GAP43: variants seen among roughly 807,000 people sequenced by gnomAD.
GAP43 encodes the protein neuromodulin.
Under a neutral mutation model 18.6 loss-of-function variants are expected in GAP43, and 6 were observed. The ratio of observed to expected loss-of-function variants is 0.32; its 90% CI spans 0.18 to 0.64. GAP43 has a LOEUF of 0.64. Ranked by LOEUF, GAP43 falls within the 30% of genes least tolerant of loss-of-function variation. The pLI is 0.78. For missense variants in GAP43, 292 were observed against 295.5 expected (o/e 0.99, Z 0.09); for synonymous variants, 115 against 111.4 (o/e 1.03, Z -0.20).
intron 2 of GAP43, among the ~76,000 whole-genome samples, chr3:115,718,691 G>A (rs1709540579): frequency 6.6e-6 from 1 of 151,968 alleles, no homozygotes; most frequent in South Asian, 2.1e-4. Flanking sequence ...TTAAAACCCT[G>A]GTCAAAAGTG....
At chr3:115,714,873 GCA>G (rs111292409) in intron 2 of GAP43, among the ~76,000 whole-genome samples, 3,625 of 150,324 alleles carry the variant, frequency 0.024, 60 homozygotes, top group African/African-American at 0.053. Context: ...GTGTGCGCGT[GCA>G]CACACACACA....
At chr3:115,678,797 A>G (rs553681642) in intron 2 of GAP43, among the ~76,000 whole-genome samples, 2 of 152,002 alleles carry the variant, frequency 1.3e-5, no homozygotes, top group South Asian at 4.2e-4. Flanking sequence ...AGGTAATCAC[A>G]AAGGGCAATT....
chr3:115,701,765 A>C (rs1420614920), intron 2 of GAP43, among the ~76,000 whole-genome samples: 1 of 151,956 alleles, frequency 6.6e-6, no homozygotes, highest in Non-Finnish European at 1.5e-5. Context: ...GTTTCCCATA[A>C]TCATAAGCCT....
intron 1 of GAP43, among the ~76,000 whole-genome samples, chr3:115,628,238 G>A (rs554988213): frequency 9.2e-5 from 14 of 151,746 alleles, no homozygotes; most frequent in Admixed American, 3.9e-4. Flanking sequence ...TCCTCCCCCC[G>A]TGTTTTCCCC....
intron 1 of GAP43, among the ~76,000 whole-genome samples, chr3:115,651,524 A>G (rs888120407): frequency 5.3e-5 from 8 of 152,192 alleles, no homozygotes; most frequent in Non-Finnish European, 1.0e-4. Context: ...AAGAGAAAAA[A>G]TCTATCCTAA....
chr3:115,654,790 G>A (rs902647886), intron 1 of GAP43, among the ~76,000 whole-genome samples: 1 of 152,166 alleles, frequency 6.6e-6, no homozygotes, highest in Non-Finnish European at 1.5e-5. Context: ...GTGTAAATTG[G>A]TGGTTTCTTG....
chr3:115,716,412 G>C (rs1709502604), intron 2 of GAP43, among the ~76,000 whole-genome samples: 1 of 152,126 alleles, frequency 6.6e-6, no homozygotes, highest in African/African-American at 2.4e-5. Flanking sequence ...AGCTAGAGCA[G>C]GTGTATTGTC....
chr3:115,641,543 C>CACACACACAGACAT (rs148731356), intron 1 of GAP43, among the ~76,000 whole-genome samples: 5 of 150,352 alleles, frequency 3.3e-5, no homozygotes, highest in Middle Eastern at 3.4e-3. Context: ...CACACACACA[C>CACACACACAGACAT]GGTGCTTTCC....
At chr3:115,655,216 A>G (rs1486629381) in intron 1 of GAP43, among the ~76,000 whole-genome samples, 1 of 152,244 alleles carries the variant, frequency 6.6e-6, no homozygotes, top group African/African-American at 2.4e-5. Flanking sequence ...TGTGAACACC[A>G]GAATATTTCT....
chr3:115,667,223 T>G (rs1012884174), intron 1 of GAP43, among the ~76,000 whole-genome samples: 1 of 152,188 alleles, frequency 6.6e-6, no homozygotes, highest in Admixed American at 6.5e-5. Flanking sequence ...CTCAGATTGT[T>G]TATAGCCCAA....
At chr3:115,706,981 A>G (rs1709372690) in intron 2 of GAP43, among the ~76,000 whole-genome samples, 1 of 152,166 alleles carries the variant, frequency 6.6e-6, no homozygotes, top group African/African-American at 2.4e-5. Flanking sequence ...TATTATTCCT[A>G]TTTTACTTAT....
At chr3:115,699,000 G>A (rs1709260707) in intron 2 of GAP43, among the ~76,000 whole-genome samples, 1 of 152,112 alleles carries the variant, frequency 6.6e-6, no homozygotes, top group Non-Finnish European at 1.5e-5. Context: ...CATCTTTACT[G>A]CTGATTCCTT....
chr3:115,711,275 G>A (rs1443322171), intron 2 of GAP43, among the ~76,000 whole-genome samples: 3 of 152,064 alleles, frequency 2.0e-5, no homozygotes, highest in Non-Finnish European at 4.4e-5. Context: ...GAATTCCCCT[G>A]GGAGAATAAA....
At chr3:115,660,589 G>A (rs918879426) in intron 1 of GAP43, among the ~76,000 whole-genome samples, 2 of 152,166 alleles carry the variant, frequency 1.3e-5, no homozygotes, top group Admixed American at 1.3e-4. Flanking sequence ...TTATAATAGA[G>A]GCACCTCTGA....
intron 2 of GAP43, among the ~76,000 whole-genome samples, chr3:115,699,165 C>T (rs995100257): frequency 6.6e-5 from 10 of 152,138 alleles, no homozygotes; most frequent in Admixed American, 6.6e-4. Flanking sequence ...ATCATTCTAC[C>T]TCCGCTATTC....
At chr3:115,685,394 C>G (rs926394149) in intron 2 of GAP43, among the ~76,000 whole-genome samples, 4 of 152,194 alleles carry the variant, frequency 2.6e-5, no homozygotes, top group African/African-American at 9.7e-5. Flanking sequence ...CTTTCCTCAT[C>G]TGACACAATT....
At chr3:115,636,075 C>T (rs1708326258) in intron 1 of GAP43, among the ~76,000 whole-genome samples, 1 of 152,064 alleles carries the variant, frequency 6.6e-6, no homozygotes, top group Admixed American at 6.6e-5. Context: ...TGTAAAGAAT[C>T]AAACCATGAG....
chr3:115,682,422 C>A (rs149306723), intron 2 of GAP43, among the ~76,000 whole-genome samples: 15 of 152,212 alleles, frequency 9.9e-5, no homozygotes, highest in Admixed American at 9.8e-4. Flanking sequence ...GAATCAGTAT[C>A]TTTTTTATAT....
chr3:115,705,064 A>G (rs1283799524), intron 2 of GAP43, among the ~76,000 whole-genome samples: 1 of 152,106 alleles, frequency 6.6e-6, no homozygotes, highest in Admixed American at 6.6e-5. Flanking sequence ...GCCATAAGGG[A>G]AAATTAAACA....
Sources: gnomAD v4.1 joint callset for allele counts (sites outside exome capture counted in the v4.1 genomes callset) on GRCh38, gnomAD v4.1.1 for gene constraint, MANE v1.5 for transcripts, NCBI Gene and HGNC (gene_info 2026-07-23, HGNC 2026-07-21) for gene names.